Variants in FBXW4 observed in about 807,000 individuals in gnomAD.
FBXW4 encodes the protein F-box and WD repeat domain containing 4.
FBXW4 carries 40 observed loss-of-function variants against 61.8 expected under a neutral mutation model. That is an observed-to-expected ratio of 0.65 (90% CI 0.50 to 0.84). The LOEUF (loss-of-function observed/expected upper bound fraction) is 0.84. Among genes scored for constraint, FBXW4 ranks in the 40% least tolerant of loss-of-function variants. The pLI, the probability that FBXW4 is intolerant of heterozygous loss-of-function variation, is 0.00. For synonymous variants in FBXW4, 311 were observed against 313.8 expected (o/e 0.99, Z 0.10); for missense variants, 672 against 753.8 (o/e 0.89, Z 1.27).
intron 6 of FBXW4, among the ~76,000 whole-genome samples, chr10:101,620,516 T>G (rs2063859451): frequency 6.6e-6 from 1 of 152,228 alleles, no homozygotes; most frequent in Non-Finnish European, 1.5e-5. Flanking sequence ...GAGAAGGCAC[T>G]GCCAAGTGGT....
At chr10:101,621,511 G>C (rs11191068) in intron 6 of FBXW4, among the ~76,000 whole-genome samples, 1 of 152,130 alleles carries the variant, frequency 6.6e-6, no homozygotes, top group Admixed American at 6.5e-5. Context: ...CTGGGTGACA[G>C]AGCAAGTCCC....
intron 5 of FBXW4, among the ~76,000 whole-genome samples, chr10:101,647,667 C>T (rs1359485669): frequency 1.3e-5 from 2 of 152,216 alleles, no homozygotes; most frequent in African/African-American, 4.8e-5. Flanking sequence ...TCCTTTCTTT[C>T]CCACTAAGCC....
At position 101,694,783 on chromosome 10, in the gene FBXW4, G is replaced by T; in HGVS notation, c.323C>A (p.Ala108Asp). ...IVKGVEGSAG[A>D]GKEAQGREYG... ...CTCTCTTCCTTGTGCCTCCTTCCCG[G>T]CCCCTGCGCTCCCCTCGACTCCCTT... Residue 108 changes from alanine to aspartate, a missense_variant, in exon 1 of 9, where the codon GCC becomes GAC. By Grantham distance (126) the Ala-to-Asp change is moderately radical. Coordinates refer to ENST00000331272, the MANE Select transcript of FBXW4 (RefSeq NM_022039.4). This position sits in a 1 kb window ranked among gnomAD's most constrained non-coding sequence, Gnocchi z 6.0. The T allele has an allele frequency of 7.4e-7, 1 of 1,342,330 alleles. No homozygotes were observed. The highest frequency in any genetic ancestry group is 9.5e-7 in the Non-Finnish European group (1 of 1,053,542). The allele number at this position is 1,342,330 out of a possible 1,614,324, so 83.2% of individuals were successfully genotyped here.
chr10:101,667,780 A>T, intron 5 of FBXW4, 106 bp downstream of exon 5: 1 of 1,027,604 alleles, frequency 9.7e-7, no homozygotes, highest in African/African-American at 1.6e-5. Flanking sequence ...CAGTGACTCA[A>T]AGCAACCTAG....
chr10:101,668,252 T>C (rs920076587), intron 4 of FBXW4, among the ~76,000 whole-genome samples: 2 of 152,212 alleles, frequency 1.3e-5, no homozygotes. Flanking sequence ...AATCAGAAGT[T>C]CCACATTCCT....
intron 2 of FBXW4, among the ~76,000 whole-genome samples, chr10:101,675,988 C>A: frequency 6.6e-6 from 1 of 152,012 alleles, no homozygotes. Flanking sequence ...GAATTGAAAC[C>A]TTGATTTATT....
chr10:101,630,379 A>G (rs2063941862), intron 5 of FBXW4, among the ~76,000 whole-genome samples: 2 of 152,200 alleles, frequency 1.3e-5, no homozygotes, highest in African/African-American at 2.4e-5. Context: ...AGCAAAGGTC[A>G]CAGGCCTCAT....
intron 4 of FBXW4, 90 bp from the exon 5 acceptor site, chr10:101,668,070 G>A: frequency 1.0e-6 from 1 of 957,938 alleles, no homozygotes; most frequent in South Asian, 1.3e-5. Context: ...GTTGGAGGTG[G>A]AGAAATGGGG....
At chr10:101,623,997 G>A (rs1005436364) in intron 6 of FBXW4, among the ~76,000 whole-genome samples, 41 of 152,096 alleles carry the variant, frequency 2.7e-4, no homozygotes, top group Admixed American at 9.2e-4. Context: ...TTGTGCTGAT[G>A]GAACAAACAG....
intron 5 of FBXW4, among the ~76,000 whole-genome samples, chr10:101,631,551 T>C (rs551624810): frequency 6.6e-6 from 1 of 152,300 alleles, no homozygotes; most frequent in South Asian, 2.1e-4. Context: ...AATTCTTTCT[T>C]CTTTTAAATT....
chr10:101,629,067 A>AT (rs1489231951), intron 5 of FBXW4, among the ~76,000 whole-genome samples: 1 of 152,238 alleles, frequency 6.6e-6, no homozygotes, highest in African/African-American at 2.4e-5. Context: ...GAGATTAAAA[A>AT]TAACAAGACA....
intron 1 of FBXW4, among the ~76,000 whole-genome samples, chr10:101,678,514 C>T (rs2064439562): frequency 6.6e-6 from 1 of 152,236 alleles, no homozygotes; most frequent in African/African-American, 2.4e-5. Context: ...CAAGCTCCGC[C>T]TCTCGGGTTC....
chr10:101,620,128 G>GCAGTGA (rs138555637), intron 6 of FBXW4, among the ~76,000 whole-genome samples: 4,149 of 152,316 alleles, frequency 0.027, 85 homozygotes, highest in Non-Finnish European at 0.04. Context: ...TCAAGTTGCA[G>GCAGTGA]CAGTGACAGG....
intron 5 of FBXW4, among the ~76,000 whole-genome samples, chr10:101,635,548 T>G (rs1373680650): frequency 6.6e-6 from 1 of 152,018 alleles, no homozygotes; most frequent in Non-Finnish European, 1.5e-5. Flanking sequence ...AAAGAGGTGA[T>G]GGGAGGCCAG....
chr10:101,627,046 C>G (rs1340118174), intron 5 of FBXW4: 1 of 130,004 alleles, frequency 7.7e-6, no homozygotes, highest in Non-Finnish European at 1.6e-5. Context: ...TGTACAGGGC[C>G]TTTTTTTTTT....
chr10:101,666,627 G>A (rs2064302833), intron 5 of FBXW4, among the ~76,000 whole-genome samples: 1 of 152,150 alleles, frequency 6.6e-6, no homozygotes, highest in Non-Finnish European at 1.5e-5. Flanking sequence ...GGAAGTGGAC[G>A]AAGATCCTAG....
chr10:101,613,917 T>C (rs1039672758), intron 6 of FBXW4, among the ~76,000 whole-genome samples: 1 of 152,182 alleles, frequency 6.6e-6, no homozygotes, highest in Non-Finnish European at 1.5e-5. Flanking sequence ...GGGGAGAAGA[T>C]GGCAAGCCTC....
chr10:101,669,905 C>T (rs2064342937), intron 4 of FBXW4, among the ~76,000 whole-genome samples: 1 of 152,068 alleles, frequency 6.6e-6, no homozygotes, highest in African/African-American at 2.4e-5. Flanking sequence ...CAGGCGCCTG[C>T]CACCATGCCT....
chr10:101,630,104 A>G (rs2063939274), intron 5 of FBXW4, among the ~76,000 whole-genome samples: 1 of 152,190 alleles, frequency 6.6e-6, no homozygotes, highest in Non-Finnish European at 1.5e-5. Context: ...TGGCATTTTA[A>G]TTACTGTTGG....
Sources: allele counts gnomAD v4.1 joint callset (sites outside exome capture counted in the v4.1 genomes callset), GRCh38; gene constraint gnomAD v4.1.1; non-coding constraint Gnocchi (gnomAD v3.1); transcripts MANE v1.5; gene names NCBI Gene and HGNC (gene_info 2026-07-23, HGNC 2026-07-21).